SH3GL1: variants seen among roughly 807,000 people sequenced by gnomAD.
SH3GL1 encodes SH3 domain containing GRB2 like 1, endophilin A2, also known as endophilin-A2.
In SH3GL1, 21 loss-of-function variants were observed where a neutral mutation model predicts 48.8. The observed-to-expected ratio is 0.43, with a 90% CI of 0.30 to 0.62. The LOEUF (loss-of-function observed/expected upper bound fraction) is 0.62. Ranked by LOEUF, SH3GL1 falls within the 20% of genes least tolerant of loss-of-function variation. The pLI, the probability that SH3GL1 is intolerant of heterozygous loss-of-function variation, is 0.11. For missense variants in SH3GL1, 454 were observed against 503.0 expected, an observed-to-expected ratio of 0.90 and a Z score of 0.93; for synonymous variants, 282 against 217.5, an observed-to-expected ratio of 1.30 and a Z score of -2.61.
chr19:4,399,480 G>T (rs1171067574), intron 1 of SH3GL1, among the ~76,000 whole-genome samples: 16 of 151,940 alleles, frequency 1.1e-4, no homozygotes, highest in Non-Finnish European at 1.6e-4. Flanking sequence ...AGGAAGGAAC[G>T]AAGGGAGGGA....
rs538958607 is a variant in SH3GL1, at chr19:4,400,079, C to T, written c.45+245G>A. Among the ~76,000 whole-genome samples the T allele has an allele frequency of 6.6e-6, 1 of 152,168 alleles. No homozygotes were observed. The highest frequency in any genetic ancestry group is 2.1e-4 in the South Asian group (1 of 4,836). On this transcript the variant is annotated intron_variant, in intron 1 of 9. Coordinates refer to ENST00000269886, the MANE Select transcript of SH3GL1 (RefSeq NM_003025.4). This position sits in a 1 kb window ranked among gnomAD's most constrained non-coding sequence, Gnocchi z 4.1. ...GAGGGGAGAGGTCCGCGTCCCTGGG[C>T]AGCCCAGGGTGCCTCTCCCCTCCTC...
intron 1 of SH3GL1, among the ~76,000 whole-genome samples, chr19:4,397,825 A>G (rs1304246534): frequency 1.3e-5 from 2 of 152,170 alleles, no homozygotes; most frequent in African/African-American, 2.4e-5. Context: ...CTATATCCCT[A>G]AACAACCACT....
intron 1 of SH3GL1, among the ~76,000 whole-genome samples, chr19:4,379,759 G>A (rs1179911981): frequency 2.0e-5 from 3 of 152,086 alleles, no homozygotes; most frequent in South Asian, 2.1e-4. Context: ...CCGTGACTGT[G>A]ACCCCTCACT....
Position 4,364,123 on chromosome 19 carries a change from G to A in SH3GL1, c.430C>T (p.Gln144Ter), listed in dbSNP as rs1568407569. The A allele has an allele frequency of 1.2e-6, 2 of 1,613,612 alleles. No individual in the cohort carries two copies. Among genetic ancestry groups the A allele is most frequent in the Non-Finnish European group, 1.7e-6 (2 of 1,180,026 alleles). Residue 144 changes from glutamine (Q) to a stop codon, truncating the protein, a stop_gained, in exon 5 of 10, where the codon CAG becomes TAG. Coordinates refer to ENST00000269886, the MANE Select transcript of SH3GL1 (RefSeq NM_003025.4). LOFTEE classifies it high-confidence loss of function. Reference protein sequence around the residue: ...EVKQNFIDPLQNLCEKDLKEI... With the variant: ...EVKQNFIDPL ...TTCAGGTCTTTCTCGCACAGGTTCT[G>A]GAGGGGGTCAATGAAGTTCTGCTTG...
intron 1 of SH3GL1, among the ~76,000 whole-genome samples, chr19:4,388,746 G>C (rs960334813): frequency 2.0e-5 from 3 of 152,224 alleles, no homozygotes; most frequent in Non-Finnish European, 4.4e-5. Context: ...GCCTGGCCTC[G>C]ATCAAGGGGG....
chr19:4,365,449 C>T (rs201874482), intron 4 of SH3GL1, 33 bp downstream of exon 4: 600 of 1,612,228 alleles, frequency 3.7e-4, no homozygotes, highest in African/African-American at 2.4e-3. Flanking sequence ...CCTCCAGGGA[C>T]GGTGGGCGTG....
At chr19:4,366,690 C>T in intron 2 of SH3GL1, 117 bp from the exon 3 acceptor site, 1 of 1,015,260 alleles carries the variant, frequency 9.8e-7, no homozygotes, top group South Asian at 1.3e-5. Flanking sequence ...CCCCAACCCC[C>T]TCTCCATGTC....
chr19:4,369,396 C>G (rs548008109), intron 1 of SH3GL1, among the ~76,000 whole-genome samples: 2 of 152,254 alleles, frequency 1.3e-5, no homozygotes, highest in Non-Finnish European at 2.9e-5. Flanking sequence ...CTGAAGCCAG[C>G]GGGCTGCGAA....
In SH3GL1 at chr19:4,364,378, T is replaced by G. The variant is rs1292303827; in HGVS notation, c.332-157A>C. On this transcript the variant is annotated intron_variant, in intron 4 of 9. Coordinates refer to ENST00000269886, the MANE Select transcript of SH3GL1 (RefSeq NM_003025.4). ...GCCTCAAACTGGGCTCAAGCCATGC[T>G]GGCACCTCAGCCTCCCAAGTAGCCG... 3.4e-6 allele frequency: 3 copies of G among 892,956 alleles called. No individual in the cohort carries two copies. In the African/African-American group the frequency reaches 5.0e-5, roughly 15 times the overall value. The allele number at this position is 892,956 out of a possible 1,614,324, so 55.3% of individuals were successfully genotyped here. A position where few individuals can be genotyped will look rare whatever the true frequency, so the allele number is the denominator to read the frequency against.
intron 1 of SH3GL1, among the ~76,000 whole-genome samples, chr19:4,385,828 C>G (rs1438907135): frequency 6.6e-6 from 1 of 152,210 alleles, no homozygotes; most frequent in East Asian, 1.9e-4. Context: ...GGCCTCCGAG[C>G]CAGCCTCTGC....
At chr19:4,397,190 A>G (rs1973441042) in intron 1 of SH3GL1, among the ~76,000 whole-genome samples, 1 of 152,212 alleles carries the variant, frequency 6.6e-6, no homozygotes, top group African/African-American at 2.4e-5. Context: ...ATCACAGAAG[A>G]GCATGGAACG....
At chr19:4,394,677 G>A (rs1973394529) in intron 1 of SH3GL1, among the ~76,000 whole-genome samples, 1 of 152,142 alleles carries the variant, frequency 6.6e-6, no homozygotes, top group South Asian at 2.1e-4. Flanking sequence ...AGCCTCGCCT[G>A]TTAGAAAGTA....
At chr19:4,374,645 T>C (rs1378176307) in intron 1 of SH3GL1, among the ~76,000 whole-genome samples, 2 of 152,220 alleles carry the variant, frequency 1.3e-5, no homozygotes, top group Non-Finnish European at 2.9e-5. Context: ...TCGTCTGCAT[T>C]GAGAGGCTTG....
chr19:4,369,248 C>A (rs905174082), intron 1 of SH3GL1, among the ~76,000 whole-genome samples: 1 of 152,184 alleles, frequency 6.6e-6, no homozygotes, highest in Admixed American at 6.5e-5. Context: ...GTTTTTGGGG[C>A]GTTCCACTCT....
chr19:4,363,642 C>G (rs1972688590), intron 6 of SH3GL1, 78 bp downstream of exon 6: 1 of 1,580,126 alleles, frequency 6.3e-7, no homozygotes. Context: ...CCGATCTGTC[C>G]TCCAGCTCCC....
intron 1 of SH3GL1, among the ~76,000 whole-genome samples, chr19:4,399,200 G>A (rs1199099208): frequency 2.6e-5 from 4 of 151,488 alleles, no homozygotes; most frequent in Admixed American, 6.6e-5. Context: ...CATGCCTGTA[G>A]TCCCAGCTAC....
chr19:4,361,899 G>C, intron 9 of SH3GL1, 103 bp from the exon 10 acceptor site: 1 of 839,948 alleles, frequency 1.2e-6, no homozygotes, highest in Non-Finnish European at 1.9e-6. Flanking sequence ...GTGGGCATGG[G>C]CCTCCCCTCT....
intron 1 of SH3GL1, among the ~76,000 whole-genome samples, chr19:4,375,756 C>T (rs777088743): frequency 3.3e-5 from 5 of 152,216 alleles, no homozygotes; most frequent in African/African-American, 4.8e-5. Context: ...AATCAGTTTC[C>T]GATGAAAACT....
intron 1 of SH3GL1, among the ~76,000 whole-genome samples, chr19:4,399,831 T>C (rs1243307218): frequency 3.3e-5 from 5 of 152,210 alleles, no homozygotes; most frequent in African/African-American, 4.8e-5. Flanking sequence ...CGCTTGTCTC[T>C]GGGGAGAAGG....
Sources: allele counts gnomAD v4.1 joint callset (sites outside exome capture counted in the v4.1 genomes callset), GRCh38; gene constraint gnomAD v4.1.1; non-coding constraint Gnocchi (gnomAD v3.1); transcripts MANE v1.5; gene names NCBI Gene and HGNC (gene_info 2026-07-23, HGNC 2026-07-21).